The following STAB2 variants were observed in gnomAD, a reference collection of about 807,000 sequenced individuals.
STAB2 encodes stabilin-2.
A neutral mutation model predicts 338.1 loss-of-function variants in STAB2; 288 were observed. The ratio of observed to expected loss-of-function variants is 0.85; its 90% CI spans 0.77 to 0.94. The LOEUF is 0.94. Ranked by LOEUF, STAB2 falls within the 40% of genes least tolerant of loss-of-function variation. The probability of loss-of-function intolerance (pLI) is 0.00; values close to 1 mark genes in which losing one functional copy is unlikely to be tolerated. For synonymous variants in STAB2, 1,202 were observed against 1,193.3 expected (o/e 1.01, Z -0.15); for missense variants, 3,141 against 3,210.1 (o/e 0.98, Z 0.52).
chr12:103,737,619 T>TTTTTTTTTTTTTTTTTG lies in STAB2; in HGVS notation c.5551-10_5551-9insTTTTTTTTTTTGTTTTT. 6.5e-7 allele frequency: 1 copy of TTTTTTTTTTTTTTTTTG among 1,531,446 alleles called. No homozygotes were observed. The highest frequency in any genetic ancestry group is 1.3e-5 in the South Asian group (1 of 78,358). 94.9% of individuals were successfully genotyped at this position (1,531,446 alleles called of 1,614,324 possible). A position where few individuals can be genotyped will look rare whatever the true frequency, so the allele number is the denominator to read the frequency against. ...CTCTCTCTTTCTCTTTTTTTTTTTT[T>TTTTTTTTTTTTTTTTTG]TTTTTCTTTCTTAGGGTGACCTCTT... On this transcript the variant is annotated splice_polypyrimidine_tract_variant and intron_variant, in intron 52 of 68. Transcript: ENST00000388887.
intron 23 of STAB2, among the ~76,000 whole-genome samples, chr12:103,675,183 G>A (rs1277163185): frequency 6.6e-6 from 1 of 152,052 alleles, no homozygotes; most frequent in Non-Finnish European, 1.5e-5. Context: ...TAAGACCTGG[G>A]GGTACAATGT....
chr12:103,734,880 C>T (rs1404851272), intron 51 of STAB2, among the ~76,000 whole-genome samples: 2 of 152,162 alleles, frequency 1.3e-5, no homozygotes, highest in African/African-American at 2.4e-5. Context: ...ATCCTTGGTG[C>T]TCCTGGATTT....
At chr12:103,734,709 C>T (rs918801906) in intron 51 of STAB2, among the ~76,000 whole-genome samples, 21 of 152,212 alleles carry the variant, frequency 1.4e-4, no homozygotes, top group African/African-American at 5.1e-4. Context: ...CAAATTACCA[C>T]AAGCTGGGCA....
intron 9 of STAB2, among the ~76,000 whole-genome samples, chr12:103,647,085 C>G (rs1401574477): frequency 6.6e-6 from 1 of 152,216 alleles, no homozygotes. Flanking sequence ...TGTACACTTT[C>G]TCATGTGGAT....
chr12:103,702,944 G>A lies in STAB2; in HGVS notation c.3715-204G>A, dbSNP rs564397663. 3.7e-4 allele frequency among the ~76,000 whole-genome samples: 57 copies of A among 152,302 alleles called. 1 individual carries two copies. Among genetic ancestry groups the A allele is most frequent in the Non-Finnish European group, 3.1e-4 (21 of 68,016 alleles). On this transcript the variant is annotated intron_variant, in intron 34 of 68. Transcript: ENST00000388887. ...AGAAGAGGAAAGCAATTGGCCTAAGGTCACACAGCTAGATGGCGCCAGGAC... is the reference window on the plus strand; with the variant it reads ...AGAAGAGGAAAGCAATTGGCCTAAGATCACACAGCTAGATGGCGCCAGGAC...
At position 103,693,977 on chromosome 12, in the gene STAB2, C is replaced by A. The variant is rs561556122; in HGVS notation, c.3375+1088C>A. Among the ~76,000 whole-genome samples, 22 of 151,224 alleles carry A rather than the reference C, an allele frequency of 1.5e-4. No homozygotes were observed. In the East Asian group the frequency reaches 4.3e-3, roughly 29 times the overall value. ...ACCATCCTGGCCAACATGGTGAAGC[C>A]CCCTCTCTACTAAAAAAAAAAAAAA... On this transcript the variant is annotated intron_variant, in intron 31 of 68. Transcript: ENST00000388887.
At chr12:103,615,531 AG>A (rs1214714936) in intron 3 of STAB2, among the ~76,000 whole-genome samples, 4 of 152,200 alleles carry the variant, frequency 2.6e-5, no homozygotes, top group African/African-American at 9.6e-5. Flanking sequence ...TGAGAAGTGT[AG>A]TCTCATGAAA....
intron 58 of STAB2, among the ~76,000 whole-genome samples, chr12:103,747,945 A>C (rs1225682482): frequency 6.8e-6 from 1 of 147,962 alleles, no homozygotes; most frequent in Non-Finnish European, 1.5e-5. Flanking sequence ...CAGTGAGCTG[A>C]GATCAGGCCA....
chr12:103,699,211 T>G lies in STAB2; in HGVS notation c.3698T>G (p.Phe1233Cys). ...MLGFSYFLSF[F>C]LHNDQLYVNE... is the part of the protein sequence containing the mutation. ...GGTTTCTCCTATTTCCTTAGCTTCT[T>G]TCTCCATAATGACCAGGTACGATCC... The change falls in exon 34 of 69, where the codon TTT becomes TGT. Residue 1233 changes from phenylalanine (F) to cysteine (C), a missense_variant. By Grantham distance (205) the Phe-to-Cys change is radical (BLOSUM62 -2). Transcript: ENST00000388887. 1 of 1,612,666 alleles carries G rather than the reference T, an allele frequency of 6.2e-7. No homozygotes were observed.
chr12:103,761,549 G>A (rs1010915986), intron 66 of STAB2, 139 bp downstream of exon 66: 3 of 713,444 alleles, frequency 4.2e-6, no homozygotes, highest in Non-Finnish European at 6.8e-6. Context: ...CAACCTCCAA[G>A]GTAGCTGGCC....
At chr12:103,663,606 C>A (rs11111707) in intron 18 of STAB2, among the ~76,000 whole-genome samples, 2 of 152,084 alleles carry the variant, frequency 1.3e-5, no homozygotes, top group East Asian at 1.9e-4. Flanking sequence ...TCTCGGCCTC[C>A]CAAAGTGCTG....
In STAB2 at chr12:103,759,134, C is replaced by T; in HGVS notation, c.7109C>T (p.Thr2370Ile). The T allele has an allele frequency of 6.2e-7, 1 of 1,614,028 alleles. No homozygotes were observed. The highest frequency in any genetic ancestry group is 8.5e-7 in the Non-Finnish European group (1 of 1,179,992). ...TCTGTGTTTCTCCTTTTTTCTCAGA[C>T]CTTGTCTGGGCGGGACATCGAGCAC... ...PQNSGLGENETLSGRDIEHHL... is the reference protein window; with the variant it reads ...PQNSGLGENEILSGRDIEHHL... Residue 2370 changes from threonine (T) to isoleucine (I), a missense_variant and splice_region_variant, in exon 65 of 69, where the codon ACC becomes ATC. By Grantham distance (89) the Thr-to-Ile change is moderately conservative. Coordinates refer to ENST00000388887, the MANE Select transcript of STAB2 (RefSeq NM_017564.10).
chr12:103,680,775 G>A (rs1025408348), intron 25 of STAB2, among the ~76,000 whole-genome samples: 1 of 152,274 alleles, frequency 6.6e-6, no homozygotes, highest in Non-Finnish European at 1.5e-5. Context: ...AGGAGAGGGG[G>A]AGTGATGGTG....
At chr12:103,698,049 G>A (rs1878550062) in intron 33 of STAB2, among the ~76,000 whole-genome samples, 1 of 152,194 alleles carries the variant, frequency 6.6e-6, no homozygotes, top group Non-Finnish European at 1.5e-5. Flanking sequence ...CCAGATTCAG[G>A]TGCCACTGCA....
chr12:103,689,182 G>A (rs988356221), intron 28 of STAB2, among the ~76,000 whole-genome samples: 3 of 152,034 alleles, frequency 2.0e-5, no homozygotes, highest in Non-Finnish European at 2.9e-5. Context: ...CTTCAAAGAC[G>A]TCCAAGAATA....
At chr12:103,731,777 A>T (rs1881654248) in intron 50 of STAB2, 142 bp downstream of exon 50, 1 of 744,640 alleles carries the variant, frequency 1.3e-6, no homozygotes, top group Admixed American at 2.7e-5. Flanking sequence ...TTTTCTGGAG[A>T]GCAAAGTCAT....
Position 103,638,162 on chromosome 12 carries a change from G to A in STAB2, c.856G>A (p.Gly286Arg). Reference protein sequence around the residue: ...LPVDPCQINFGNCPTKSTVCK... With the variant: ...LPVDPCQINFRNCPTKSTVCK... ...TGTGGACCCCTGCCAAATTAACTTTGGAAACTGCCCTACAAAGTCTACAGT... is the reference window on the plus strand; with the variant it reads ...TGTGGACCCCTGCCAAATTAACTTTAGAAACTGCCCTACAAAGTCTACAGT... The change falls in exon 8 of 69, where the codon GGA (glycine) becomes AGA (arginine). Residue 286 changes from glycine (G) to arginine (R), a missense_variant. Gly to Arg is a moderately radical substitution (Grantham distance 125). Coordinates refer to ENST00000388887, the MANE Select transcript of STAB2 (RefSeq NM_017564.10). 2 of 1,614,182 alleles carry A rather than the reference G, an allele frequency of 1.2e-6. No homozygotes were observed. Among genetic ancestry groups the A allele is most frequent in the Non-Finnish European group, 1.7e-6 (2 of 1,180,024 alleles).
chr12:103,747,946 G>A (rs1322074076), intron 58 of STAB2, among the ~76,000 whole-genome samples: 1 of 139,046 alleles, frequency 7.2e-6, no homozygotes, highest in Non-Finnish European at 1.5e-5. Flanking sequence ...AGTGAGCTGA[G>A]ATCAGGCCAC....
chr12:103,597,713 C>G (rs1232684317), intron 3 of STAB2, among the ~76,000 whole-genome samples: 2 of 152,078 alleles, frequency 1.3e-5, no homozygotes, highest in African/African-American at 4.8e-5. Context: ...TACTTTGAAA[C>G]TTAATCATGT....
Sources: allele counts gnomAD v4.1 joint callset (sites outside exome capture counted in the v4.1 genomes callset), GRCh38; gene constraint gnomAD v4.1.1; transcripts MANE v1.5; gene names NCBI Gene and HGNC (gene_info 2026-07-23, HGNC 2026-07-21).